Variants in CRMP1 observed in about 807,000 individuals in gnomAD.
CRMP1 encodes the protein dihydropyrimidinase-related protein 1.
CRMP1 carries 19 observed loss-of-function variants against 68.3 expected under a neutral mutation model. That is an observed-to-expected ratio of 0.28 (90% CI 0.19 to 0.41). CRMP1 has a LOEUF of 0.41. CRMP1 is among the 10% of genes least tolerant of loss of function. CRMP1 has a pLI of 1.00. For synonymous variants in CRMP1, 439 were observed against 399.6 expected, an observed-to-expected ratio of 1.10 and a Z score of -1.18; for missense variants, 791 against 967.4, an observed-to-expected ratio of 0.82 and a Z score of 2.42.
chr4:5,876,608 G>T (rs182435885), intron 1 of CRMP1, among the ~76,000 whole-genome samples: 3 of 152,180 alleles, frequency 2.0e-5, no homozygotes, highest in Non-Finnish European at 4.4e-5. Flanking sequence ...AGGGGGAACT[G>T]CTTTCTTTTA....
At chr4:5,846,757 ATTTTTTTTTTTTT>A (rs71171490) in intron 6 of CRMP1, among the ~76,000 whole-genome samples, 3 of 53,742 alleles carry the variant, frequency 5.6e-5, no homozygotes, top group Non-Finnish European at 9.4e-5. Context: ...TGCCCGGCTA[ATTTTTTTTTTTTT>A]TTTTTTTTTT....
In CRMP1 at chr4:5,835,924, A is replaced by G; in HGVS notation, c.1614T>C (p.Ser538=). 1 of 1,547,904 alleles carries G rather than the reference A, an allele frequency of 6.5e-7. No homozygotes were observed. The highest frequency in any genetic ancestry group is 8.7e-7 in the Non-Finnish European group (1 of 1,150,074). ...ATAGGCCAGGACTTACCGACTTGTG[A>G]CTTTTGGCTGTTATGGTCTTCAACT... is the stretch of plus-strand genomic sequence containing the variant. ...PDKLKTITAK[S]HKSAVEYNIF... The change falls in exon 11 of 14, where the codon AGT becomes AGC. Residue 538 remains serine (S), a synonymous_variant. Coordinates refer to ENST00000324989, the MANE Select transcript of CRMP1 (RefSeq NM_001014809.3).
In CRMP1 at chr4:5,891,891, T is replaced by G. The variant is rs983617999; in HGVS notation, c.381+698A>C. On this transcript the variant is annotated intron_variant, in intron 1 of 13. Transcript: ENST00000324989. This position sits in a 1 kb window ranked among gnomAD's most constrained non-coding sequence, Gnocchi z 5.2. ...GGGAGGCCAGAGACCCCAGTTCAAATCCCAGCTCTACCTCCACCTTGCTCT... is the reference window on the plus strand; with the variant it reads ...GGGAGGCCAGAGACCCCAGTTCAAAGCCCAGCTCTACCTCCACCTTGCTCT... Among the ~76,000 whole-genome samples, 1 of 152,152 alleles carries G rather than the reference T, an allele frequency of 6.6e-6. No individual in the cohort carries two copies. The highest frequency in any genetic ancestry group is 2.4e-5 in the African/African-American group (1 of 41,420).
chr4:5,825,056 T>A lies in CRMP1; in HGVS notation c.1969+438A>T. Reference sequence around the variant, plus strand: ...ATGGAGTAGTGAGGATAAAATAAAATCATGGGTTATGAAAGTGCTTAGTAC... The same window carrying A: ...ATGGAGTAGTGAGGATAAAATAAAAACATGGGTTATGAAAGTGCTTAGTAC... On this transcript the variant is annotated intron_variant, in intron 13 of 13. Coordinates refer to ENST00000324989, the MANE Select transcript of CRMP1 (RefSeq NM_001014809.3). The surrounding 1 kb of genome is among the most constrained non-coding windows in gnomAD (Gnocchi z 4.4). The A allele has an allele frequency of 1.0e-6, 1 of 985,338 alleles. No individual in the cohort carries two copies. The highest frequency in any genetic ancestry group is 4.7e-5 in the South Asian group (1 of 21,284). The allele number at this position is 985,338 out of a possible 1,614,324, so 61.0% of individuals were successfully genotyped here. A position where few individuals can be genotyped will look rare whatever the true frequency, so the allele number is the denominator to read the frequency against.
chr4:5,855,514 G>A lies in CRMP1; in HGVS notation c.820+629C>T, dbSNP rs1577797071. 6.6e-6 allele frequency among the ~76,000 whole-genome samples: 1 copy of A among 152,296 alleles called. No homozygotes were observed. Among genetic ancestry groups the A allele is most frequent in the South Asian group, 2.1e-4 (1 of 4,826 alleles). ...ACACCATAAAGGTCTACACTGTGCT[G>A]GTGTGAACCCAAACAGAGGGGAGCC... On this transcript the variant is annotated intron_variant, in intron 4 of 13. Transcript: ENST00000324989. This position sits in a 1 kb window ranked among gnomAD's most constrained non-coding sequence, Gnocchi z 4.9.
chr4:5,822,915 C>A (rs1488905079), intron 13 of CRMP1, among the ~76,000 whole-genome samples: 1 of 152,216 alleles, frequency 6.6e-6, no homozygotes, highest in Non-Finnish European at 1.5e-5. Context: ...AAGCACCATC[C>A]TATAAAATCT....
intron 6 of CRMP1, among the ~76,000 whole-genome samples, 185 bp downstream of exon 6, chr4:5,849,207 G>A (rs1432924622): frequency 6.6e-6 from 1 of 152,186 alleles, no homozygotes; most frequent in East Asian, 1.9e-4. Flanking sequence ...CATGTGCATT[G>A]CCACTGGTAT....
chr4:5,885,092 C>T (rs552827537), intron 1 of CRMP1, among the ~76,000 whole-genome samples: 4 of 152,060 alleles, frequency 2.6e-5, no homozygotes, highest in South Asian at 4.2e-4. Flanking sequence ...CGTCTCTAAC[C>T]GGCTACTATA....
chr4:5,825,876 CATACCCACAT>C lies in CRMP1; in HGVS notation c.1804-227_1804-218del, dbSNP rs879404753. The C allele has an allele frequency of 0.033, 17,954 of 541,170 alleles. 397 individuals carry two copies. The highest frequency in any genetic ancestry group is 0.053 in the African/African-American group (2,660 of 50,212). 33.5% of individuals were successfully genotyped at this position (541,170 alleles called of 1,614,324 possible). On this transcript the variant is annotated intron_variant, in intron 12 of 13. Coordinates refer to ENST00000324989, the MANE Select transcript of CRMP1 (RefSeq NM_001014809.3). This position sits in a 1 kb window ranked among gnomAD's most constrained non-coding sequence, Gnocchi z 4.4. ...ACAAGCATGCATACACACACATCTA[CATACCCACAT>C]GCATACACATACAGACGCACACACC...
At chr4:5,845,987 A>G (rs1327859086) in intron 6 of CRMP1, among the ~76,000 whole-genome samples, 1 of 152,112 alleles carries the variant, frequency 6.6e-6, no homozygotes, top group African/African-American at 2.4e-5. Context: ...GCCACAAGAA[A>G]GAGATCCTTT....
chr4:5,871,889 C>T (rs538274984), intron 1 of CRMP1, among the ~76,000 whole-genome samples: 3 of 152,138 alleles, frequency 2.0e-5, no homozygotes, highest in Admixed American at 6.5e-5. Context: ...TTTGAAGTTA[C>T]GTGCTTTGTG....
At position 5,831,554 on chromosome 4, in the gene CRMP1, G is replaced by C. The variant is rs373551060; in HGVS notation, c.1624-2886C>G. On this transcript the variant is annotated intron_variant, in intron 11 of 13. Transcript: ENST00000324989. ...GGAGTGATTCATAACTGTGCCGAGGGACACATGGATTGTGAATGCGGAGGG... is the reference window on the plus strand; with the variant it reads ...GGAGTGATTCATAACTGTGCCGAGGCACACATGGATTGTGAATGCGGAGGG... 3.3e-4 allele frequency among the ~76,000 whole-genome samples: 50 copies of C among 152,208 alleles called. 3 individuals are homozygous for C. In the East Asian group the frequency reaches 5.8e-3, roughly 18 times the overall value.
chr4:5,887,406 G>A (rs1422582947), intron 1 of CRMP1: 3 of 985,492 alleles, frequency 3.0e-6, no homozygotes, highest in Non-Finnish European at 3.6e-6. Context: ...CCAGTGGTCC[G>A]CATCCCTCAG....
Position 5,838,023 on chromosome 4 carries a change from C to A in CRMP1, c.1311-1117G>T, listed in dbSNP as rs1209757055. Among the ~76,000 whole-genome samples the A allele has an allele frequency of 6.6e-6, 1 of 152,116 alleles. No individual in the cohort carries two copies. The highest frequency in any genetic ancestry group is 1.5e-5 in the Non-Finnish European group (1 of 68,024). On this transcript the variant is annotated intron_variant, in intron 9 of 13. Transcript: ENST00000324989. The surrounding 1 kb of genome is among the most constrained non-coding windows in gnomAD (Gnocchi z 4.9). ...GTTAGAGTGAGTGTCAGGGATTCAACCAAAGCAGGTGGGGATGAGGCGTGC... is the reference window on the plus strand; with the variant it reads ...GTTAGAGTGAGTGTCAGGGATTCAAACAAAGCAGGTGGGGATGAGGCGTGC...
intron 4 of CRMP1, 122 bp from the exon 5 acceptor site, chr4:5,851,591 TC>T: frequency 2.1e-6 from 2 of 952,540 alleles, no homozygotes; most frequent in Non-Finnish European, 3.3e-6. Context: ...GCCATTGGGA[TC>T]CCCAGTGGGG....
rs990375590 is a variant in CRMP1, at chr4:5,860,527, G to A, written c.655+499C>T. On this transcript the variant is annotated intron_variant, in intron 3 of 13. Coordinates refer to ENST00000324989, the MANE Select transcript of CRMP1 (RefSeq NM_001014809.3). The surrounding 1 kb of genome is among the most constrained non-coding windows in gnomAD (Gnocchi z 4.2). ...CCACTTCCCAGCTGTGTCTCCTTGG[G>A]CAAGTTGCTTCACCTCTCTGAGCCT... 6.6e-6 allele frequency among the ~76,000 whole-genome samples: 1 copy of A among 152,096 alleles called. No homozygotes were observed. The highest frequency in any genetic ancestry group is 2.4e-5 in the African/African-American group (1 of 41,414).
chr4:5,881,481 T>C lies in CRMP1; in HGVS notation c.381+11108A>G, dbSNP rs1315968357. Among the ~76,000 whole-genome samples the C allele has an allele frequency of 6.6e-6, 1 of 152,188 alleles. No individual in the cohort carries two copies. The highest frequency in any genetic ancestry group is 1.5e-5 in the Non-Finnish European group (1 of 68,036). On this transcript the variant is annotated intron_variant, in intron 1 of 13. Transcript: ENST00000324989. The surrounding 1 kb of genome is among the most constrained non-coding windows in gnomAD (Gnocchi z 4.6). Reference sequence around the variant, plus strand: ...CCATCACCATGCCCTCCCACTGCAGTGTGACTGTAGCTGTCTTACAGGTCT... The same window carrying C: ...CCATCACCATGCCCTCCCACTGCAGCGTGACTGTAGCTGTCTTACAGGTCT...
chr4:5,836,594 T>C (rs1560491466), intron 10 of CRMP1, among the ~76,000 whole-genome samples, 171 bp downstream of exon 10: 1 of 152,270 alleles, frequency 6.6e-6, no homozygotes, highest in Non-Finnish European at 1.5e-5. Flanking sequence ...TCTCCCGGAC[T>C]TGAGCTACTA....
At position 5,866,605 on chromosome 4, in the gene CRMP1, C is replaced by T. The variant is rs762034467; in HGVS notation, c.470+63G>A. 12 of 1,215,222 alleles carry T rather than the reference C, an allele frequency of 9.9e-6. No individual in the cohort carries two copies. The highest frequency in any genetic ancestry group is 1.4e-5 in the Non-Finnish European group (12 of 829,508). The allele number at this position is 1,215,222 out of a possible 1,614,324, so 75.3% of individuals were successfully genotyped here. A position where few individuals can be genotyped will look rare whatever the true frequency, so the allele number is the denominator to read the frequency against. ...TAGGACAGAATGCCAGCCTTCTGTT[C>T]CATCTAAGGCCAGGCAGCCTGGCGA... On this transcript the variant is annotated intron_variant, in intron 2 of 13. Coordinates refer to ENST00000324989, the MANE Select transcript of CRMP1 (RefSeq NM_001014809.3). This position sits in a 1 kb window ranked among gnomAD's most constrained non-coding sequence, Gnocchi z 5.9.
Sources: gnomAD v4.1 joint callset for allele counts (sites outside exome capture counted in the v4.1 genomes callset) on GRCh38, gnomAD v4.1.1 for gene constraint, Gnocchi (gnomAD v3.1) non-coding constraint, MANE v1.5 for transcripts, NCBI Gene and HGNC (gene_info 2026-07-23, HGNC 2026-07-21) for gene names.